ENOX1: variants seen among roughly 807,000 people sequenced by gnomAD.
ENOX1 encodes the protein candidate growth-related and time keeping constitutive hydroquinone (NADH) oxidase.
A neutral mutation model predicts 82.5 loss-of-function variants in ENOX1; 42 were observed. That is an observed-to-expected ratio of 0.51 (90% CI 0.40 to 0.66). ENOX1 has a LOEUF of 0.66. ENOX1 is among the 30% of genes least tolerant of loss of function. The probability of loss-of-function intolerance (pLI) is 0.00; values close to 1 mark genes in which losing one functional copy is unlikely to be tolerated. For missense variants in ENOX1, 608 were observed against 811.6 expected (o/e 0.75, Z 3.05); for synonymous variants, 271 against 282.2 (o/e 0.96, Z 0.40).
chr13:43,503,024 G>C (rs1029021032), intron 2 of ENOX1, among the ~76,000 whole-genome samples: 1 of 151,486 alleles, frequency 6.6e-6, no homozygotes, highest in Non-Finnish European at 1.5e-5. Context: ...TAAAGTTACA[G>C]GTTGTAAAAA....
intron 1 of ENOX1, among the ~76,000 whole-genome samples, chr13:43,720,027 T>C (rs1390086989): frequency 6.6e-6 from 1 of 152,232 alleles, no homozygotes; most frequent in Non-Finnish European, 1.5e-5. Flanking sequence ...TATCTTTAAC[T>C]GTAATCATTC....
chr13:43,573,351 TC>T (rs948065728), intron 2 of ENOX1, among the ~76,000 whole-genome samples: 37 of 152,284 alleles, frequency 2.4e-4, no homozygotes, highest in African/African-American at 8.4e-4. Context: ...ATGCCCTTAT[TC>T]CCATTTATTT....
At chr13:43,782,357 C>T (rs1178573040) in intron 1 of ENOX1, among the ~76,000 whole-genome samples, 2 of 152,152 alleles carry the variant, frequency 1.3e-5, no homozygotes, top group Non-Finnish European at 2.9e-5. Flanking sequence ...GGATCTGAAA[C>T]AAGTACTTCT....
chr13:43,771,933 A>ATTTTTTTT (rs34718451), intron 1 of ENOX1, among the ~76,000 whole-genome samples: 1,223 of 100,620 alleles, frequency 0.012, no homozygotes, highest in African/African-American at 0.024. Context: ...CGCCCGGCTA[A>ATTTTTTTT]TTTTTTTTTT....
At chr13:43,497,267 A>G (rs987943050) in intron 2 of ENOX1, among the ~76,000 whole-genome samples, 4 of 152,036 alleles carry the variant, frequency 2.6e-5, no homozygotes, top group Admixed American at 6.6e-5. Context: ...TATTTATTTT[A>G]CTGGCCTGAC....
intron 14 of ENOX1, among the ~76,000 whole-genome samples, chr13:43,247,848 TATATATATATATATATATATATA>T (rs2043174253): frequency 0.029 from 54 of 1,892 alleles, no homozygotes; most frequent in African/African-American, 0.061. Flanking sequence ...TATATATATA[TATATATATATATATATATATATA>T]TATATATATA....
intron 2 of ENOX1, among the ~76,000 whole-genome samples, chr13:43,558,166 C>T (rs778474761): frequency 6.6e-6 from 1 of 152,180 alleles, no homozygotes; most frequent in Non-Finnish European, 1.5e-5. Flanking sequence ...GATTCTGGTA[C>T]CACTGGGAAG....
At chr13:43,774,205 T>C (rs1397128240) in intron 1 of ENOX1, among the ~76,000 whole-genome samples, 1 of 152,156 alleles carries the variant, frequency 6.6e-6, no homozygotes, top group African/African-American at 2.4e-5. Flanking sequence ...GAAAGAAACA[T>C]TGTGTACATC....
chr13:43,574,670 T>G (rs550974437), intron 2 of ENOX1, among the ~76,000 whole-genome samples: 55 of 152,320 alleles, frequency 3.6e-4, no homozygotes, highest in African/African-American at 1.3e-3. Flanking sequence ...ACATACCACT[T>G]TTGTTTTCCA....
At chr13:43,701,626 A>G (rs1187961335) in intron 1 of ENOX1, among the ~76,000 whole-genome samples, 1 of 152,178 alleles carries the variant, frequency 6.6e-6, no homozygotes, top group African/African-American at 2.4e-5. Flanking sequence ...ATGCAAATAC[A>G]TATCTTTTAA....
chr13:43,390,080 T>C (rs1009420547), intron 5 of ENOX1, among the ~76,000 whole-genome samples: 1 of 152,228 alleles, frequency 6.6e-6, no homozygotes, highest in Non-Finnish European at 1.5e-5. Context: ...TGTATATACT[T>C]GGAGAACACG....
chr13:43,608,484 A>G (rs1332441442), intron 2 of ENOX1, among the ~76,000 whole-genome samples: 7 of 152,162 alleles, frequency 4.6e-5, no homozygotes, highest in African/African-American at 9.6e-5. Context: ...TACACTGAAT[A>G]TTATACAACT....
intron 2 of ENOX1, among the ~76,000 whole-genome samples, chr13:43,592,274 C>G (rs774533916): frequency 6.6e-6 from 1 of 152,160 alleles, no homozygotes; most frequent in Non-Finnish European, 1.5e-5. Context: ...TATTTGTCAA[C>G]TAATCAATAT....
At chr13:43,649,615 T>A (rs181078838) in intron 2 of ENOX1, among the ~76,000 whole-genome samples, 1 of 152,262 alleles carries the variant, frequency 6.6e-6, no homozygotes, top group East Asian at 1.9e-4. Flanking sequence ...ATTTCCAACT[T>A]CATCATATAA....
chr13:43,586,643 C>T (rs1457560306), intron 2 of ENOX1, among the ~76,000 whole-genome samples: 1 of 152,178 alleles, frequency 6.6e-6, no homozygotes, highest in Non-Finnish European at 1.5e-5. Context: ...TCTTTCCTGC[C>T]ACATTAGCTT....
chr13:43,776,655 A>G (rs928776437), intron 1 of ENOX1, among the ~76,000 whole-genome samples: 3 of 152,228 alleles, frequency 2.0e-5, no homozygotes, highest in African/African-American at 4.8e-5. Flanking sequence ...TCTAGAGATT[A>G]GCATGAACAG....
chr13:43,690,636 T>A (rs1490698458), intron 1 of ENOX1, among the ~76,000 whole-genome samples: 1 of 152,202 alleles, frequency 6.6e-6, no homozygotes, highest in South Asian at 2.1e-4. Context: ...CCAGTGGATA[T>A]AAGCAAGGAA....
intron 3 of ENOX1, chr13:43,459,216 T>C (rs1312653328): frequency 2.6e-5 from 4 of 152,214 alleles, no homozygotes; most frequent in Non-Finnish European, 5.9e-5. Flanking sequence ...AACCATTGAC[T>C]GAATTGCTGC....
rs117224623 is a variant in ENOX1 at position 43,530,616 on chromosome 13, C to G, written c.-218-46464G>C. Among the ~76,000 whole-genome samples the G allele has an allele frequency of 7.0e-3, 1,064 of 152,184 alleles. 6 individuals carry two copies. The highest frequency in any genetic ancestry group is 0.01 in the Non-Finnish European group (693 of 67,980). ...CAGGTTGAGAATGATCAAAAGTTAA[C>G]AGATTATAGCAACAATATAGTTATA... On this transcript the variant is annotated intron_variant, in intron 2 of 16. Transcript: ENST00000690772.
Sources: allele counts gnomAD v4.1 joint callset (sites outside exome capture counted in the v4.1 genomes callset), GRCh38; gene constraint gnomAD v4.1.1; transcripts MANE v1.5; gene names NCBI Gene and HGNC (gene_info 2026-07-23, HGNC 2026-07-21).